The following NELL2 variants were observed in gnomAD, a reference collection of about 807,000 sequenced individuals.
NELL2 encodes protein kinase C-binding protein NELL2.
In NELL2, 41 loss-of-function variants were observed where a neutral mutation model predicts 109.6. The ratio of observed to expected loss-of-function variants is 0.37; its 90% CI spans 0.29 to 0.49. The LOEUF is 0.49. Ranked by LOEUF, NELL2 falls within the 20% of genes least tolerant of loss-of-function variation. The pLI is 0.98. For synonymous variants in NELL2, 355 were observed against 344.7 expected, an observed-to-expected ratio of 1.03 and a Z score of -0.33; for missense variants, 900 against 1,008.3, an observed-to-expected ratio of 0.89 and a Z score of 1.45.
intron 13 of NELL2, among the ~76,000 whole-genome samples, chr12:44,646,663 T>C (rs966383): frequency 0.59 from 88,977 of 151,984 alleles, 26,668 homozygotes; most frequent in East Asian, 0.73. Context: ...ACTGAAGCCA[T>C]GGAAAGCGAA....
intron 12 of NELL2, among the ~76,000 whole-genome samples, chr12:44,667,178 A>G (rs914303553): frequency 6.6e-6 from 1 of 152,208 alleles, no homozygotes; most frequent in African/African-American, 2.4e-5. Flanking sequence ...GGTATAAATT[A>G]TCTATTAGTG....
intron 19 of NELL2, among the ~76,000 whole-genome samples, chr12:44,509,883 G>C (rs182003907): frequency 1.3e-5 from 2 of 152,114 alleles, no homozygotes; most frequent in African/African-American, 4.8e-5. Context: ...CCGAGACCTG[G>C]AGACTGCATG....
rs577474246 is a variant in NELL2, at chr12:44,844,999, C to T, written c.185-28863G>A. On this transcript the variant is annotated intron_variant, in intron 2 of 19. Transcript: ENST00000429094. Reference sequence around the variant, plus strand: ...CCCTTGCTGAAATTTTTTACATACCCTTTTAATCCTTAATACTTTCCATTC... The same window carrying T: ...CCCTTGCTGAAATTTTTTACATACCTTTTTAATCCTTAATACTTTCCATTC... Among the ~76,000 whole-genome samples, 18 of 152,208 alleles carry T rather than the reference C, an allele frequency of 1.2e-4. 1 individual carries two copies. In the East Asian group the frequency reaches 3.5e-3, roughly 29 times the overall value.
At chr12:44,664,656 A>C (rs1947862245) in intron 13 of NELL2, among the ~76,000 whole-genome samples, 1 of 152,126 alleles carries the variant, frequency 6.6e-6, no homozygotes, top group Non-Finnish European at 1.5e-5. Flanking sequence ...CTAGAGAAAT[A>C]GGTGACAAGA....
At chr12:44,852,436 T>C (rs1231520699) in intron 2 of NELL2, among the ~76,000 whole-genome samples, 9 of 152,216 alleles carry the variant, frequency 5.9e-5, no homozygotes, top group African/African-American at 1.9e-4. Context: ...TTCTGTGTTT[T>C]TCCCCTGAGA....
intron 2 of NELL2, among the ~76,000 whole-genome samples, chr12:44,848,030 CAA>C (rs567012744): frequency 4.0e-4 from 28 of 69,360 alleles, no homozygotes; most frequent in Non-Finnish European, 6.6e-4. Context: ...AACTCTGTCT[CAA>C]AAAAAAAAAA....
chr12:44,915,976 C>T (rs1440924139), upstream of NELL2, among the ~76,000 whole-genome samples: 1 of 152,186 alleles, frequency 6.6e-6, no homozygotes, highest in East Asian at 1.9e-4. Flanking sequence ...AGTCTAAAAG[C>T]TTTTCAAATA....
intron 2 of NELL2, among the ~76,000 whole-genome samples, chr12:44,837,684 G>C (rs1025287483): frequency 6.6e-6 from 1 of 151,908 alleles, no homozygotes; most frequent in African/African-American, 2.4e-5. Flanking sequence ...AGAATTCAAA[G>C]AAAGTTTTTT....
intron 19 of NELL2, 26 bp downstream of exon 19, chr12:44,519,979 C>T (rs746334562): frequency 1.3e-6 from 2 of 1,599,874 alleles, no homozygotes; most frequent in South Asian, 2.2e-5. Context: ...GCAAAGTGCT[C>T]ACTATTTAAA....
At chr12:44,569,273 C>T (rs1323234369) in intron 15 of NELL2, among the ~76,000 whole-genome samples, 1 of 152,154 alleles carries the variant, frequency 6.6e-6, no homozygotes, top group Non-Finnish European at 1.5e-5. Flanking sequence ...TTTCCTTATG[C>T]AGTCTACCAT....
chr12:44,729,606 A>G (rs1370999595), intron 9 of NELL2, among the ~76,000 whole-genome samples: 2 of 151,534 alleles, frequency 1.3e-5, no homozygotes, highest in Non-Finnish European at 2.9e-5. Context: ...GCTGTCTACA[A>G]AAGACTTACC....
chr12:44,717,027 C>A (rs1479610792), intron 9 of NELL2, among the ~76,000 whole-genome samples: 1 of 151,966 alleles, frequency 6.6e-6, no homozygotes, highest in Non-Finnish European at 1.5e-5. Flanking sequence ...TTGCTTAATT[C>A]TCTTTCAAGC....
intron 12 of NELL2, among the ~76,000 whole-genome samples, chr12:44,699,773 TTTC>T (rs1949172326): frequency 6.6e-6 from 1 of 152,126 alleles, no homozygotes; most frequent in Non-Finnish European, 1.5e-5. Flanking sequence ...CACATCCTAC[TTTC>T]TTCTTAAAAT....
chr12:44,539,426 A>G (rs1942444218), intron 15 of NELL2, among the ~76,000 whole-genome samples: 1 of 152,166 alleles, frequency 6.6e-6, no homozygotes, highest in Non-Finnish European at 1.5e-5. Context: ...GGGAGAATTG[A>G]AATCTTTATA....
Position 44,548,290 on chromosome 12 carries a change from A to G in NELL2, c.1664-15569T>C, listed in dbSNP as rs138750105. Reference sequence around the variant, plus strand: ...TATGTAGTAGATTTAAGAACATAACATAAGTGTTAGTCTTTAAAATTTTGG... The same window carrying G: ...TATGTAGTAGATTTAAGAACATAACGTAAGTGTTAGTCTTTAAAATTTTGG... On this transcript the variant is annotated intron_variant, in intron 15 of 19. Coordinates refer to ENST00000429094, the MANE Select transcript of NELL2 (RefSeq NM_001145108.2). 3.6e-4 allele frequency among the ~76,000 whole-genome samples: 55 copies of G among 152,302 alleles called. No homozygotes were observed. The East Asian group carries it at 7.9e-3, about 22-fold the overall frequency.
chr12:44,848,930 C>A (rs1944452594), intron 2 of NELL2, among the ~76,000 whole-genome samples: 1 of 152,204 alleles, frequency 6.6e-6, no homozygotes, highest in Non-Finnish European at 1.5e-5. Flanking sequence ...CACTCACCCA[C>A]TGACCTCAGT....
chr12:44,837,983 C>T (rs1435438365), intron 2 of NELL2, among the ~76,000 whole-genome samples: 2 of 152,158 alleles, frequency 1.3e-5, no homozygotes, highest in Non-Finnish European at 2.9e-5. Flanking sequence ...AAGATGTGAA[C>T]TATGGCCTTT....
intron 12 of NELL2, among the ~76,000 whole-genome samples, chr12:44,682,494 A>G (rs1225128760): frequency 6.6e-6 from 1 of 152,152 alleles, no homozygotes; most frequent in Admixed American, 6.5e-5. Flanking sequence ...GTCCTTGCCC[A>G]TGCCTATGTC....
At chr12:44,627,803 G>A (rs1183165126) in intron 13 of NELL2, among the ~76,000 whole-genome samples, 1 of 152,186 alleles carries the variant, frequency 6.6e-6, no homozygotes, top group Non-Finnish European at 1.5e-5. Flanking sequence ...TGGAAAAGTA[G>A]TACAAGCTCT....
Sources: gnomAD v4.1 joint callset for allele counts (sites outside exome capture counted in the v4.1 genomes callset) on GRCh38, gnomAD v4.1.1 for gene constraint, MANE v1.5 for transcripts, NCBI Gene and HGNC (gene_info 2026-07-23, HGNC 2026-07-21) for gene names.